Variants in TMEM232 observed in about 807,000 individuals in gnomAD.
TMEM232 encodes the protein transmembrane protein 232.
Under a neutral mutation model 78.8 loss-of-function variants are expected in TMEM232, and 80 were observed. The observed-to-expected ratio is 1.01, with a 90% CI of 0.85 to 1.22. The LOEUF is 1.22. Ranked by LOEUF, TMEM232 falls within the 50% of genes most tolerant of loss-of-function variation. The pLI is 0.00. For synonymous variants in TMEM232, 297 were observed against 254.3 expected (o/e 1.17, Z -1.60); for missense variants, 881 against 742.2 (o/e 1.19, Z -2.17).
At chr5:110,672,805 A>T (rs1791531979) in intron 1 of TMEM232, among the ~76,000 whole-genome samples, 1 of 152,072 alleles carries the variant, frequency 6.6e-6, no homozygotes, top group Non-Finnish European at 1.5e-5. Context: ...TATCAGCAAA[A>T]GAATTTAGTA....
At chr5:110,472,349 A>G in intron 12 of TMEM232, among the ~76,000 whole-genome samples, 1 of 152,032 alleles carries the variant, frequency 6.6e-6, no homozygotes, top group Middle Eastern at 3.2e-3. Context: ...GAGGTAAAAA[A>G]TCTCCAAAAC....
chr5:110,729,374 C>T (rs1214681957), upstream of TMEM232, among the ~76,000 whole-genome samples: 1 of 152,198 alleles, frequency 6.6e-6, no homozygotes, highest in Non-Finnish European at 1.5e-5. Context: ...ATACCACCCC[C>T]TGCTCCCTAA....
At chr5:110,452,892 G>A (rs1258812130) in intron 12 of TMEM232, among the ~76,000 whole-genome samples, 2 of 152,160 alleles carry the variant, frequency 1.3e-5, no homozygotes, top group African/African-American at 4.8e-5. Context: ...CTATTACAAT[G>A]TAAAAGTACT....
intron 1 of TMEM232, among the ~76,000 whole-genome samples, chr5:110,721,162 TG>T (rs1797558149): frequency 1.3e-5 from 2 of 152,066 alleles, no homozygotes; most frequent in African/African-American, 2.4e-5. Flanking sequence ...TATAATGTAA[TG>T]AATAACCTCC....
intron 12 of TMEM232, among the ~76,000 whole-genome samples, chr5:110,470,155 T>C (rs1269600199): frequency 6.6e-6 from 1 of 152,054 alleles, no homozygotes; most frequent in Non-Finnish European, 1.5e-5. Context: ...TTGGTTCTGT[T>C]TCATGCAGTG....
Position 110,640,986 on chromosome 5 carries a change from C to T in TMEM232, c.248G>A (p.Gly83Asp). The T allele has an allele frequency of 1.3e-6, 2 of 1,526,822 alleles. No homozygotes were observed. Among genetic ancestry groups the T allele is most frequent in the South Asian group, 1.3e-5 (1 of 78,494 alleles). 94.6% of individuals were successfully genotyped at this position (1,526,822 alleles called of 1,614,324 possible). The change falls in exon 4 of 14, where the codon GGT (glycine) becomes GAT (aspartate). Residue 83 changes from glycine (G) to aspartate (D), a missense_variant. By Grantham distance (94) the Gly-to-Asp change is moderately conservative. Coordinates refer to ENST00000455884, the MANE Select transcript of TMEM232 (RefSeq NM_001039763.4). ...CCTTCCAGAGCCCAGGGTTTTGAGACCCAATTTTCTCTGTTATGAGGAAGC... is the reference window on the plus strand; with the variant it reads ...CCTTCCAGAGCCCAGGGTTTTGAGATCCAATTTTCTCTGTTATGAGGAAGC... ...KIILRCKRKLGLKTLGSGRHV... is the reference protein window; with the variant it reads ...KIILRCKRKLDLKTLGSGRHV...
intron 11 of TMEM232, among the ~76,000 whole-genome samples, chr5:110,547,954 C>T (rs756080219): frequency 5.6e-4 from 83 of 147,516 alleles, no homozygotes; most frequent in Admixed American, 1.2e-3. Flanking sequence ...GCTGAGATCA[C>T]GCCGCTGCAC....
At chr5:110,532,506 C>T (rs533129731) in intron 11 of TMEM232, among the ~76,000 whole-genome samples, 143 of 152,058 alleles carry the variant, frequency 9.4e-4, no homozygotes, top group Admixed American at 1.4e-3. Flanking sequence ...GCCAGGCTTC[C>T]AAACCTCTTA....
At chr5:110,623,442 A>C (rs924030724) in intron 7 of TMEM232, among the ~76,000 whole-genome samples, 1 of 152,174 alleles carries the variant, frequency 6.6e-6, no homozygotes, top group African/African-American at 2.4e-5. Context: ...AAATTCACAA[A>C]TCCTCTGCTA....
At chr5:110,435,112 T>C (rs1343996790) in intron 12 of TMEM232, among the ~76,000 whole-genome samples, 1 of 151,856 alleles carries the variant, frequency 6.6e-6, no homozygotes, top group Non-Finnish European at 1.5e-5. Context: ...ATCATTTAAA[T>C]AAGAAAAGAG....
At chr5:110,677,179 T>G (rs1792131083) in intron 1 of TMEM232, among the ~76,000 whole-genome samples, 1 of 152,204 alleles carries the variant, frequency 6.6e-6, no homozygotes, top group Admixed American at 6.5e-5. Context: ...TATTGGCCAT[T>G]TGTGTATCTT....
chr5:110,668,378 G>C (rs565058237), intron 1 of TMEM232, among the ~76,000 whole-genome samples: 1 of 152,236 alleles, frequency 6.6e-6, no homozygotes, highest in African/African-American at 2.4e-5. Context: ...GGAGCCTGGA[G>C]GATAGAAACT....
chr5:110,551,868 C>G (rs1217436708), intron 11 of TMEM232, among the ~76,000 whole-genome samples: 1 of 151,904 alleles, frequency 6.6e-6, no homozygotes, highest in East Asian at 1.9e-4. Context: ...AAAAATATGT[C>G]AACCTAGAAT....
chr5:110,689,384 A>ATTTAAAAATTG (rs1420046954), intron 1 of TMEM232, among the ~76,000 whole-genome samples: 16 of 151,622 alleles, frequency 1.1e-4, no homozygotes, highest in Non-Finnish European at 7.4e-5. Context: ...ATAGTACTAA[A>ATTTAAAAATTG]TTTAAAAATT....
chr5:110,595,270 G>A (rs761249727), intron 10 of TMEM232, among the ~76,000 whole-genome samples: 4 of 152,042 alleles, frequency 2.6e-5, no homozygotes, highest in Non-Finnish European at 5.9e-5. Context: ...TATCCAAAAG[G>A]CATCAGCATC....
intron 1 of TMEM232, 29 bp from the exon 2 acceptor site, chr5:110,667,393 A>C: frequency 6.9e-7 from 1 of 1,454,658 alleles, no homozygotes; most frequent in Middle Eastern, 2.0e-4. Context: ...GTATGTTAGC[A>C]TACAAATGCA....
intron 12 of TMEM232, among the ~76,000 whole-genome samples, chr5:110,515,645 T>A (rs1313745430): frequency 1.3e-5 from 2 of 152,210 alleles, no homozygotes; most frequent in African/African-American, 4.8e-5. Flanking sequence ...TGCTAACGGT[T>A]GACTTCTAAG....
intron 7 of TMEM232, among the ~76,000 whole-genome samples, chr5:110,620,044 C>G (rs1358626719): frequency 6.6e-6 from 1 of 152,018 alleles, no homozygotes; most frequent in African/African-American, 2.4e-5. Context: ...TTAGGTCAAC[C>G]ATTCTTGCAT....
At chr5:110,535,848 C>G (rs574488417) in intron 11 of TMEM232, among the ~76,000 whole-genome samples, 91 of 152,256 alleles carry the variant, frequency 6.0e-4, no homozygotes, top group South Asian at 3.7e-3. Flanking sequence ...GAACCTAAAG[C>G]CGATTCTCAC....
Sources: gnomAD v4.1 joint callset for allele counts (sites outside exome capture counted in the v4.1 genomes callset) on GRCh38, gnomAD v4.1.1 for gene constraint, MANE v1.5 for transcripts, NCBI Gene and HGNC (gene_info 2026-07-23, HGNC 2026-07-21) for gene names.